SV2C: variants seen among roughly 807,000 people sequenced by gnomAD.
The protein encoded by SV2C is synaptic vesicle glycoprotein 2C, also known as solute carrier family 22 member B3.
A neutral mutation model predicts 79.7 loss-of-function variants in SV2C; 49 were observed. The ratio of observed to expected loss-of-function variants is 0.61; its 90% CI spans 0.49 to 0.78. The LOEUF (loss-of-function observed/expected upper bound fraction) is 0.78. Among genes scored for constraint, SV2C ranks in the 30% least tolerant of loss-of-function variants. The probability of loss-of-function intolerance (pLI) is 0.00; values close to 1 mark genes in which losing one functional copy is unlikely to be tolerated. For synonymous variants in SV2C, 334 were observed against 333.2 expected, an observed-to-expected ratio of 1.00 and a Z score of -0.03; for missense variants, 833 against 912.9, an observed-to-expected ratio of 0.91 and a Z score of 1.13.
the SV2C span, among the ~76,000 whole-genome samples, chr5:75,899,892 T>C: frequency 2.0e-5 from 3 of 152,184 alleles, no homozygotes; most frequent in African/African-American, 7.2e-5. Flanking sequence ...TTGCAACCCC[T>C]GCCTTTTTTT....
the SV2C span, among the ~76,000 whole-genome samples, chr5:75,866,432 T>C: frequency 4.6e-5 from 7 of 152,204 alleles, no homozygotes; most frequent in African/African-American, 1.2e-4. Context: ...AATAAACCTA[T>C]GGCTGGAGCA....
chr5:75,897,095 G>T, the SV2C span, among the ~76,000 whole-genome samples: 3 of 148,076 alleles, frequency 2.0e-5, 1 homozygote, highest in African/African-American at 7.8e-5. Context: ...TGTCAATTTT[G>T]TCTTTTGTTG....
the SV2C span, among the ~76,000 whole-genome samples, chr5:75,938,549 G>T: frequency 2.0e-5 from 3 of 152,098 alleles, no homozygotes; most frequent in African/African-American, 7.2e-5. Flanking sequence ...AAACATCAAA[G>T]ATACATACCA....
At chr5:76,037,802 C>G in the SV2C span, among the ~76,000 whole-genome samples, 1 of 152,240 alleles carries the variant, frequency 6.6e-6, no homozygotes, top group Non-Finnish European at 1.5e-5. Context: ...GCTTTGTTTA[C>G]CTAAGCAAGC....
chr5:75,880,905 C>G, the SV2C span, among the ~76,000 whole-genome samples: 23 of 152,262 alleles, frequency 1.5e-4, no homozygotes, highest in African/African-American at 5.5e-4. Context: ...GCTCATGGTT[C>G]TGCAAGACGT....
the SV2C span, among the ~76,000 whole-genome samples, chr5:75,913,328 A>T: frequency 1.7e-4 from 26 of 152,308 alleles, no homozygotes; most frequent in South Asian, 5.0e-3. Context: ...AGATAACTGT[A>T]TCATGCTTCT....
At chr5:76,162,937 C>G (rs1300862352) in intron 2 of SV2C, among the ~76,000 whole-genome samples, 2 of 152,220 alleles carry the variant, frequency 1.3e-5, no homozygotes, top group African/African-American at 4.8e-5. Flanking sequence ...ACCAATACAA[C>G]ATTTCCAAAA....
intron 4 of SV2C, among the ~76,000 whole-genome samples, chr5:76,279,840 G>A (rs917466379): frequency 6.6e-6 from 1 of 152,174 alleles, no homozygotes; most frequent in Admixed American, 6.5e-5. Flanking sequence ...AGAACATGAC[G>A]ATGAGGGTTG....
At chr5:75,967,948 G>A in the SV2C span, among the ~76,000 whole-genome samples, 5 of 152,096 alleles carry the variant, frequency 3.3e-5, no homozygotes, top group East Asian at 1.9e-4. Context: ...GACCTCACAC[G>A]GCCAGGTACT....
chr5:76,337,460 G>T (rs537831950), downstream of SV2C, among the ~76,000 whole-genome samples: 2 of 152,132 alleles, frequency 1.3e-5, no homozygotes, highest in Admixed American at 6.5e-5. Flanking sequence ...TTCAACATAC[G>T]AATTTGGGAA....
At chr5:76,095,709 A>G (rs2112107192) in intron 1 of SV2C, among the ~76,000 whole-genome samples, 1 of 152,242 alleles carries the variant, frequency 6.6e-6, no homozygotes, top group East Asian at 1.9e-4. Context: ...TTTTAAACTC[A>G]TAATTTATTT....
intron 12 of SV2C, among the ~76,000 whole-genome samples, chr5:76,347,150 G>C (rs1271477611): frequency 6.6e-6 from 1 of 152,192 alleles, no homozygotes; most frequent in African/African-American, 2.4e-5. Context: ...TTGACGGCAC[G>C]CTCAGCATAT....
the SV2C span, among the ~76,000 whole-genome samples, chr5:75,926,024 T>C: frequency 2.6e-5 from 4 of 152,220 alleles, no homozygotes; most frequent in Admixed American, 2.6e-4. Flanking sequence ...ATCTGAACTT[T>C]TTTAAAGTTT....
the SV2C span, among the ~76,000 whole-genome samples, chr5:75,978,551 C>T: frequency 6.6e-6 from 1 of 152,098 alleles, no homozygotes; most frequent in African/African-American, 2.4e-5. Context: ...TAATCTTTGT[C>T]ATCTAGGAAG....
chr5:76,265,320 C>T (rs889284784), intron 4 of SV2C, among the ~76,000 whole-genome samples: 5 of 152,130 alleles, frequency 3.3e-5, no homozygotes, highest in Non-Finnish European at 7.4e-5. Flanking sequence ...GCTCGAGTGT[C>T]CCAGGTGGAC....
chr5:76,218,147 C>T (rs1744957274), intron 4 of SV2C, among the ~76,000 whole-genome samples: 1 of 152,212 alleles, frequency 6.6e-6, no homozygotes. Flanking sequence ...CTAGCTTTGT[C>T]ATCTTTAGGA....
At position 76,258,221 on chromosome 5, in the gene SV2C, C is replaced by T. The variant is rs139584696; in HGVS notation, c.914-26941C>T. ...AAGGTCAGAGCTTCCTGCACAGCAG[C>T]TTGAATGCTTAGAAACAGTAACTGC... On this transcript the variant is annotated intron_variant, in intron 4 of 12. Transcript: ENST00000502798. 2.2e-3 allele frequency among the ~76,000 whole-genome samples: 336 copies of T among 151,966 alleles called. 1 individual carries two copies. The highest frequency in any genetic ancestry group is 4.3e-3 in the Non-Finnish European group (289 of 67,942).
the SV2C span, among the ~76,000 whole-genome samples, chr5:75,965,900 A>G: frequency 3.9e-5 from 6 of 152,232 alleles, no homozygotes; most frequent in Non-Finnish European, 7.3e-5. Context: ...GCTCACATAT[A>G]AGGAAAGACA....
the SV2C span, among the ~76,000 whole-genome samples, chr5:75,863,454 G>T: frequency 6.6e-6 from 1 of 152,124 alleles, no homozygotes; most frequent in Non-Finnish European, 1.5e-5. Context: ...TTGGAAAGTG[G>T]TGAGTTTTGA....
Sources: allele counts gnomAD v4.1 joint callset (sites outside exome capture counted in the v4.1 genomes callset), GRCh38; gene constraint gnomAD v4.1.1; transcripts MANE v1.5; gene names NCBI Gene and HGNC (gene_info 2026-07-23, HGNC 2026-07-21).